Variants in NOP58 observed in about 807,000 individuals in gnomAD.
The protein encoded by NOP58 is nucleolar protein 58.
Under a neutral mutation model 71.2 loss-of-function variants are expected in NOP58, and 44 were observed. That is an observed-to-expected ratio of 0.62 (90% CI 0.49 to 0.79). The LOEUF (loss-of-function observed/expected upper bound fraction) is 0.79, where lower values mean the gene tolerates loss of function less well. NOP58 is among the 30% of genes least tolerant of loss of function. The pLI is 0.00. For synonymous variants in NOP58, 228 were observed against 200.3 expected (o/e 1.14, Z -1.17); for missense variants, 538 against 620.2 (o/e 0.87, Z 1.41).
chr2:202,294,571 A>T (rs1275484579), intron 9 of NOP58, among the ~76,000 whole-genome samples: 1 of 152,174 alleles, frequency 6.6e-6, no homozygotes, highest in Non-Finnish European at 1.5e-5. Flanking sequence ...TATACTGTAT[A>T]TGCTGTTTTT....
chr2:202,278,659 A>C (rs1048481076), intron 3 of NOP58, among the ~76,000 whole-genome samples: 2 of 152,180 alleles, frequency 1.3e-5, no homozygotes, highest in Non-Finnish European at 2.9e-5. Flanking sequence ...CAGGAAGAGC[A>C]GATATAAAGC....
chr2:202,286,098 C>T (rs1285525707), intron 5 of NOP58, among the ~76,000 whole-genome samples: 4 of 144,520 alleles, frequency 2.8e-5, no homozygotes, highest in South Asian at 4.5e-4. Context: ...AGGAGAATGG[C>T]GTGAACCCGG....
chr2:202,270,620 T>C (rs1688499053), intron 1 of NOP58, among the ~76,000 whole-genome samples: 1 of 151,852 alleles, frequency 6.6e-6, no homozygotes, highest in African/African-American at 2.4e-5. Context: ...AAAAATTAGC[T>C]GGGCACAGTG....
At chr2:202,297,636 T>C in intron 11 of NOP58, 123 bp downstream of exon 11, 2 of 1,024,616 alleles carry the variant, frequency 2.0e-6, no homozygotes, top group Non-Finnish European at 2.8e-6. Context: ...TAAAGTATTC[T>C]TTTTGTGCCT....
intron 3 of NOP58, among the ~76,000 whole-genome samples, chr2:202,280,786 TTGATAC>T (rs1373149785): frequency 1.3e-5 from 2 of 151,620 alleles, no homozygotes; most frequent in South Asian, 2.1e-4. Context: ...TTTTTTTTTT[TTGATAC>T]TGATCTTCGG....
intron 10 of NOP58, among the ~76,000 whole-genome samples, chr2:202,296,895 G>A (rs1689003370): frequency 6.6e-6 from 1 of 151,968 alleles, no homozygotes; most frequent in Non-Finnish European, 1.5e-5. Flanking sequence ...CACCACACCT[G>A]GCTAATTTTT....
In NOP58 at chr2:202,302,966, C is replaced by T. The variant is rs1689118157; in HGVS notation, c.1448C>T (p.Ser483Phe). ...EEKVAEEEETSVKKKKKRGKK... is the reference protein window; with the variant it reads ...EEKVAEEEETFVKKKKKRGKK... ...AAAGTGGCAGAAGAAGAAGAAACAT[C>T]TGTGAAGAAGAAGAAGAAAAGGGGT... The change falls in exon 14 of 15, where the codon TCT becomes TTT. Residue 483 changes from serine (S) to phenylalanine (F), a missense_variant. Physicochemically the swap from Ser to Phe is radical, Grantham distance 155 (BLOSUM62 -2). Transcript: ENST00000264279. 1.2e-6 allele frequency: 2 copies of T among 1,608,978 alleles called. No individual in the cohort carries two copies. Among genetic ancestry groups the T allele is most frequent in the East Asian group, 2.2e-5 (1 of 44,814 alleles).
At chr2:202,286,181 CA>C (rs1008544993) in intron 5 of NOP58, among the ~76,000 whole-genome samples, 2,987 of 45,616 alleles carry the variant, frequency 0.065, 121 homozygotes, top group African/African-American at 0.22. Context: ...GACTCCATCT[CA>C]AAAAAAAAAA....
In NOP58 at chr2:202,277,820, A is replaced by G. The variant is rs962769804; in HGVS notation, c.123-130A>G. On this transcript the variant is annotated intron_variant, in intron 2 of 14. Coordinates refer to ENST00000264279, the MANE Select transcript of NOP58 (RefSeq NM_015934.5). Reference sequence around the variant, plus strand: ...AGAATATCTAACTTCACACCCTGATACACAATGGTAGGCATGTTTTATTGG... The same window carrying G: ...AGAATATCTAACTTCACACCCTGATGCACAATGGTAGGCATGTTTTATTGG... The G allele has an allele frequency of 9.4e-6, 6 of 639,330 alleles. No homozygotes were observed. In the African/African-American group the frequency reaches 1.1e-4, roughly 12 times the overall value. The allele number at this position is 639,330 out of a possible 1,614,324, so 39.6% of individuals were successfully genotyped here.
chr2:202,285,138 C>T (rs909894664), intron 5 of NOP58, among the ~76,000 whole-genome samples: 6 of 152,014 alleles, frequency 3.9e-5, no homozygotes, highest in African/African-American at 1.4e-4. Context: ...GCCTCCCAGG[C>T]TCAAGTGATT....
chr2:202,276,472 A>G (rs201484819), intron 2 of NOP58: 143 of 516,104 alleles, frequency 2.8e-4, no homozygotes, highest in African/African-American at 2.1e-3. Context: ...AACTGAATCT[A>G]AGTGATCTGA....
At chr2:202,269,740 C>G (rs557837760) in intron 1 of NOP58, among the ~76,000 whole-genome samples, 102 of 151,074 alleles carry the variant, frequency 6.8e-4, no homozygotes, top group African/African-American at 2.0e-3. Flanking sequence ...GACTCCGTCT[C>G]AAAAAAAAGA....
Position 202,292,856 on chromosome 2 carries a change from C to T in NOP58, c.860C>T (p.Thr287Ile). The change falls in exon 9 of 15, where the codon ACA becomes ATA. Residue 287 changes from threonine to isoleucine, a missense_variant. Physicochemically the swap from Thr to Ile is moderately conservative, Grantham distance 89. Transcript: ENST00000264279. ...NRMMAIAPNV[T>I]VMVGELVGAR... The stretch of plus-strand genomic sequence containing the variant: ...ATGATGGCCATTGCACCCAATGTTA[C>T]AGTCATGGTTGGGGAATTAGTTGGA... 2 of 1,613,792 alleles carry T rather than the reference C, an allele frequency of 1.2e-6. No homozygotes were observed. The highest frequency in any genetic ancestry group is 1.7e-6 in the Non-Finnish European group (2 of 1,179,674).
chr2:202,289,897 A>C (rs189428392), intron 6 of NOP58, among the ~76,000 whole-genome samples: 45 of 152,310 alleles, frequency 3.0e-4, no homozygotes, highest in Middle Eastern at 3.4e-3. Context: ...CATCATAAGA[A>C]TACTTAATGC....
intron 1 of NOP58, among the ~76,000 whole-genome samples, chr2:202,269,095 C>T (rs572023895): frequency 6.7e-6 from 1 of 149,768 alleles, no homozygotes; most frequent in Admixed American, 6.6e-5. Context: ...GTCAAGTGAT[C>T]CTCCCACCTC....
chr2:202,284,549 A>G (rs1688759890), intron 5 of NOP58, 68 bp downstream of exon 5: 2 of 1,505,502 alleles, frequency 1.3e-6, no homozygotes, highest in Non-Finnish European at 1.8e-6. Flanking sequence ...GATCTGTTCT[A>G]AGAATGTTAC....
rs988442575 is a variant in NOP58, at chr2:202,289,110, ACT to A, written c.500-1210_500-1209del. 2.6e-5 allele frequency among the ~76,000 whole-genome samples: 4 copies of A among 151,622 alleles called. No individual in the cohort carries two copies. In the East Asian group the frequency reaches 5.8e-4, roughly 22 times the overall value. Reference sequence around the variant, plus strand: ...ACTCCATCCTGGGTGATGGAGTTAGACTCTGTCTCCAAAAAAAGAAAAAAAAA... The same window carrying A: ...ACTCCATCCTGGGTGATGGAGTTAGACTGTCTCCAAAAAAAGAAAAAAAAA... On this transcript the variant is annotated intron_variant, in intron 6 of 14. Transcript: ENST00000264279.
At chr2:202,288,000 G>C (rs1198798533) in intron 6 of NOP58, among the ~76,000 whole-genome samples, 1 of 152,016 alleles carries the variant, frequency 6.6e-6, no homozygotes, top group African/African-American at 2.4e-5. Context: ...TATAATCCCA[G>C]CTACTCAGGA....
At chr2:202,266,832 T>G (rs954363304) in intron 1 of NOP58, among the ~76,000 whole-genome samples, 1 of 152,106 alleles carries the variant, frequency 6.6e-6, no homozygotes, top group African/African-American at 2.4e-5. Context: ...GAATGTGGGG[T>G]TTTGGTTTAA....
Sources: gnomAD v4.1 joint callset for allele counts (sites outside exome capture counted in the v4.1 genomes callset) on GRCh38, gnomAD v4.1.1 for gene constraint, MANE v1.5 for transcripts, NCBI Gene and HGNC (gene_info 2026-07-23, HGNC 2026-07-21) for gene names.